Variants in NLRP9 observed in about 807,000 individuals in gnomAD.
NLRP9 encodes the protein NACHT, LRR and PYD domains-containing protein 9.
Under a neutral mutation model 83.1 loss-of-function variants are expected in NLRP9, and 88 were observed. That is an observed-to-expected ratio of 1.06 (90% CI 0.89 to 1.26). NLRP9 has a LOEUF of 1.26. NLRP9 is among the 50% of genes most tolerant of loss of function. The probability of loss-of-function intolerance (pLI) is 0.00; values close to 1 mark genes in which losing one functional copy is unlikely to be tolerated. For synonymous variants in NLRP9, 521 were observed against 447.6 expected, an observed-to-expected ratio of 1.16 and a Z score of -2.07; for missense variants, 1,308 against 1,179.3, an observed-to-expected ratio of 1.11 and a Z score of -1.60.
rs766505256 is a variant in NLRP9 at position 55,715,017 on chromosome 19, G to T, written c.2501+38C>A. The stretch of plus-strand genomic sequence containing the variant: ...CCTAGAGCCACAGTATCCAAAAAAA[G>T]AAACCCTGACATTGAAGCAAATCAT... On this transcript the variant is annotated intron_variant, in intron 6 of 8. Coordinates refer to ENST00000332836, the MANE Select transcript of NLRP9 (RefSeq NM_176820.4). 6.3e-5 allele frequency: 99 copies of T among 1,566,354 alleles called. No individual in the cohort carries two copies. In the South Asian group the frequency reaches 1.1e-3, roughly 17 times the overall value.
chr19:55,711,250 TAAA>T (rs540587585), intron 8 of NLRP9: 3 of 510,428 alleles, frequency 5.9e-6, no homozygotes, highest in East Asian at 3.0e-4. Context: ...TTTTAAAAAA[TAAA>T]AAAATAACTT....
At chr19:55,726,136 C>G (rs1203257341) in intron 3 of NLRP9, among the ~76,000 whole-genome samples, 1 of 152,130 alleles carries the variant, frequency 6.6e-6, no homozygotes, top group Non-Finnish European at 1.5e-5. Flanking sequence ...AGCCACCACA[C>G]CACATTCATG....
rs768297125 is a variant in NLRP9, at chr19:55,732,128, A to G, written c.1703T>C (p.Val568Ala). The G allele has an allele frequency of 1.2e-6, 2 of 1,612,992 alleles. No individual in the cohort carries two copies. The highest frequency in any genetic ancestry group is 2.2e-5 in the South Asian group (2 of 90,714). The stretch of plus-strand genomic sequence containing the variant: ...TTCTATGTTACCAATATAAATGAAA[A>G]CTTCTTCAAAGAAATTCATCACTTT... Reference protein sequence around the residue: ...VTKVMNFFEEVFIYIGNIEHL... With the variant: ...VTKVMNFFEEAFIYIGNIEHL... The change falls in exon 2 of 9, where the codon GTT (valine) becomes GCT (alanine). Residue 568 changes from valine to alanine, a missense_variant. Coordinates refer to ENST00000332836, the MANE Select transcript of NLRP9 (RefSeq NM_176820.4).
chr19:55,735,201 A>G (rs1002819931), intron 1 of NLRP9, among the ~76,000 whole-genome samples: 2 of 152,204 alleles, frequency 1.3e-5, no homozygotes, highest in African/African-American at 4.8e-5. Context: ...ATTCTCCGCT[A>G]TATCCCTTTA....
At chr19:55,717,665 G>C (rs928488339) in intron 4 of NLRP9, among the ~76,000 whole-genome samples, 1 of 152,128 alleles carries the variant, frequency 6.6e-6, no homozygotes, top group Non-Finnish European at 1.5e-5. Context: ...CACACTCAGC[G>C]CAACACGCTT....
chr19:55,730,927 TA>T (rs1268654528), intron 2 of NLRP9, among the ~76,000 whole-genome samples: 6 of 150,642 alleles, frequency 4.0e-5, no homozygotes, highest in African/African-American at 1.5e-4. Context: ...AAGTTGGAAA[TA>T]AAAAAAAAGA....
rs191627036 is a variant in NLRP9, at chr19:55,724,293, C to T, written c.1995-149G>A. On this transcript the variant is annotated intron_variant, in intron 3 of 8. Coordinates refer to ENST00000332836, the MANE Select transcript of NLRP9 (RefSeq NM_176820.4). ...TTACTCCTGCCAGTAAATTATTTCT[C>T]GATGGGGTTTTTAGACACCAGACAG... 76 of 590,472 alleles carry T rather than the reference C, an allele frequency of 1.3e-4. 1 individual carries two copies. The East Asian group carries it at 2.2e-3, about 17-fold the overall frequency. The allele number at this position is 590,472 out of a possible 1,614,324, so 36.6% of individuals were successfully genotyped here.
In NLRP9 at chr19:55,712,554, C is replaced by G; in HGVS notation, c.2538G>C (p.Lys846Asn). The change falls in exon 7 of 9, where the codon AAG becomes AAC. Residue 846 changes from lysine to asparagine, a missense_variant. Physicochemically the swap from Lys to Asn is moderately conservative, Grantham distance 94. Transcript: ENST00000332836. ...TGCAAATAAGAACAGCAGCAATGTC[C>G]TTACAGGAATCGGAAGTAAGGAAAC... Reference protein sequence around the residue: ...MGCFLTSDSCKDIAAVLICNG... With the variant: ...MGCFLTSDSCNDIAAVLICNG... 2 of 1,612,530 alleles carry G rather than the reference C, an allele frequency of 1.2e-6. No homozygotes were observed. Among genetic ancestry groups the G allele is most frequent in the Admixed American group, 1.7e-5 (1 of 59,942 alleles).
At chr19:55,725,419 C>A (rs2122314655) in intron 3 of NLRP9, among the ~76,000 whole-genome samples, 1 of 152,296 alleles carries the variant, frequency 6.6e-6, no homozygotes, top group Middle Eastern at 3.4e-3. Flanking sequence ...CTCTCCTAGT[C>A]AACTTTAAGA....
chr19:55,719,789 A>C (rs1322013215), intron 4 of NLRP9, among the ~76,000 whole-genome samples: 1 of 152,194 alleles, frequency 6.6e-6, no homozygotes, highest in Non-Finnish European at 1.5e-5. Flanking sequence ...GTTCATCCAC[A>C]AATGCAGGAA....
intron 5 of NLRP9, 69 bp from the exon 6 acceptor site, chr19:55,715,294 T>A: frequency 7.3e-7 from 1 of 1,360,768 alleles, no homozygotes; most frequent in East Asian, 2.4e-5. Context: ...AAACACACCA[T>A]CTCCCAGCCC....
intron 6 of NLRP9, 111 bp from the exon 7 acceptor site, chr19:55,712,701 TGATGAGGAG>T: frequency 1.2e-6 from 1 of 865,978 alleles, no homozygotes; most frequent in Non-Finnish European, 1.8e-6. Context: ...AAATCTGAGA[TGATGAGGAG>T]GGTGGGGAGG....
chr19:55,726,755 G>T (rs1038634150), intron 3 of NLRP9, among the ~76,000 whole-genome samples: 2 of 152,116 alleles, frequency 1.3e-5, no homozygotes, highest in Non-Finnish European at 2.9e-5. Flanking sequence ...CCTAACCTTG[G>T]GGAGGCATTA....
intron 8 of NLRP9, among the ~76,000 whole-genome samples, chr19:55,711,089 AAAAC>A (rs1987694792): frequency 1.7e-5 from 2 of 120,054 alleles, no homozygotes; most frequent in African/African-American, 8.4e-5. Flanking sequence ...CTGCCTCAAA[AAAAC>A]AAAACAAAAC....
chr19:55,711,174 T>C (rs978676601), intron 8 of NLRP9, among the ~76,000 whole-genome samples: 2 of 152,090 alleles, frequency 1.3e-5, no homozygotes, highest in South Asian at 2.1e-4. Context: ...TGAATTCATG[T>C]ACTCATCACC....
intron 4 of NLRP9, among the ~76,000 whole-genome samples, chr19:55,717,873 C>T (rs1029170737): frequency 1.3e-5 from 2 of 152,178 alleles, no homozygotes; most frequent in African/African-American, 4.8e-5. Context: ...ACACGCCACG[C>T]CCCAGCTCCA....
In NLRP9 at chr19:55,732,782, C is replaced by T. The variant is rs1274460895; in HGVS notation, c.1049G>A (p.Arg350Lys). ...CWLVCTCVKQ[R>K]LERGEDLEIN... ...TTCAAGGTCTTCTCCCCTCTCTAGC[C>T]TCTGTTTCACACAAGTACAGACCAA... Residue 350 changes from arginine to lysine, a missense_variant, in exon 2 of 9, where the codon AGG becomes AAG. Arg to Lys is a conservative substitution (Grantham distance 26, BLOSUM62 2). Coordinates refer to ENST00000332836, the MANE Select transcript of NLRP9 (RefSeq NM_176820.4). The T allele has an allele frequency of 1.2e-6, 2 of 1,614,152 alleles. No homozygotes were observed. Among genetic ancestry groups the T allele is most frequent in the Non-Finnish European group, 1.7e-6 (2 of 1,180,002 alleles).
rs943735272 is a variant in NLRP9 at position 55,734,644 on chromosome 19, T to A, written c.281-1094A>T. Among the ~76,000 whole-genome samples the A allele has an allele frequency of 2.9e-4, 44 of 150,168 alleles. 2 individuals are homozygous for A. The Middle Eastern group carries it at 0.014, about 47-fold the overall frequency. ...ACATATATATATATATATATTTTTTTTTTTTTTGAGATGAACTCTCGCTCT... is the reference window on the plus strand; with the variant it reads ...ACATATATATATATATATATTTTTTATTTTTTTGAGATGAACTCTCGCTCT... On this transcript the variant is annotated intron_variant, in intron 1 of 8. Transcript: ENST00000332836.
In NLRP9 at chr19:55,732,045, T is replaced by C. The variant is rs774403133; in HGVS notation, c.1786A>G (p.Met596Val). The change falls in exon 2 of 9, where the codon ATG (methionine) becomes GTG (valine). Residue 596 changes from methionine to valine, a missense_variant. Transcript: ENST00000332836. ...KHCQHLTTLR[M>V]CVENIFPDDS... Reference sequence around the variant, plus strand: ...TCTGGAAAGATATTCTCCACACACATGCGAAGTGTCGTTAAATGTTGACAA... The same window carrying C: ...TCTGGAAAGATATTCTCCACACACACGCGAAGTGTCGTTAAATGTTGACAA... The C allele has an allele frequency of 1.3e-5, 20 of 1,598,996 alleles. No homozygotes were observed. Among genetic ancestry groups the C allele is most frequent in the South Asian group, 2.3e-5 (2 of 87,610 alleles).
Sources: allele counts gnomAD v4.1 joint callset (sites outside exome capture counted in the v4.1 genomes callset), GRCh38; gene constraint gnomAD v4.1.1; transcripts MANE v1.5; gene names NCBI Gene and HGNC (gene_info 2026-07-23, HGNC 2026-07-21).